Variants in CLASP2 observed in about 807,000 individuals in gnomAD.
CLASP2 encodes CLIP-associating protein 2.
A neutral mutation model predicts 194.4 loss-of-function variants in CLASP2; 47 were observed. The observed-to-expected ratio is 0.24, with a 90% CI of 0.19 to 0.31. CLASP2 has a LOEUF of 0.31. Ranked by LOEUF, CLASP2 falls within the 10% of genes least tolerant of loss-of-function variation. The pLI, the probability that CLASP2 is intolerant of heterozygous loss-of-function variation, is 1.00. For synonymous variants in CLASP2, 619 were observed against 633.5 expected (o/e 0.98, Z 0.34); for missense variants, 1,445 against 1,823.6 (o/e 0.79, Z 3.78).
At chr3:33,668,736 T>G (rs779521080) in intron 6 of CLASP2, among the ~76,000 whole-genome samples, 17 of 152,156 alleles carry the variant, frequency 1.1e-4, no homozygotes, top group Non-Finnish European at 2.4e-4. Context: ...CTCCACTGCC[T>G]ACTACCTGCT....
At chr3:33,628,399 A>G (rs547196859) in intron 9 of CLASP2, among the ~76,000 whole-genome samples, 102 of 152,260 alleles carry the variant, frequency 6.7e-4, no homozygotes, top group Non-Finnish European at 1.1e-3. Flanking sequence ...CCTTCCCCCA[A>G]TAAGGAAGAA....
intron 26 of CLASP2, among the ~76,000 whole-genome samples, chr3:33,567,075 T>C (rs983699311): frequency 1.5e-4 from 23 of 152,166 alleles, no homozygotes; most frequent in East Asian, 7.7e-4. Context: ...AATAGACACA[T>C]ACTCCCACTT....
chr3:33,663,499 C>T lies in CLASP2; in HGVS notation c.661G>A (p.Ala221Thr), dbSNP rs1477724847. Residue 221 changes from alanine to threonine, a missense_variant, in exon 7 of 39, where the codon GCC (alanine) becomes ACC (threonine). Coordinates refer to ENST00000682230, the MANE Select transcript of CLASP2 (RefSeq NM_001365631.1). ...GAACTTTGCACTTCATCAAATTTGG[C>T]AAATATCATTTCTAATCTGGGAATA... ...IPPARLEMIF[A>T]KFDEVQSSGG... 6.2e-7 allele frequency: 1 copy of T among 1,611,328 alleles called. No individual in the cohort carries two copies. The highest frequency in any genetic ancestry group is 2.2e-5 in the East Asian group (1 of 44,752).
intron 7 of CLASP2, among the ~76,000 whole-genome samples, chr3:33,655,613 C>T (rs545383438): frequency 8.5e-5 from 13 of 152,276 alleles, no homozygotes; most frequent in African/African-American, 2.6e-4. Flanking sequence ...CAAATGGTTG[C>T]TTTCTTTCAT....
At chr3:33,668,525 G>C (rs1048742274) in intron 6 of CLASP2, among the ~76,000 whole-genome samples, 2 of 152,148 alleles carry the variant, frequency 1.3e-5, no homozygotes, top group African/African-American at 4.8e-5. Context: ...AGTGGAAAAA[G>C]GGAAATAGTG....
chr3:33,681,889 G>A (rs2089913493), intron 6 of CLASP2, among the ~76,000 whole-genome samples: 1 of 152,172 alleles, frequency 6.6e-6, no homozygotes, highest in Middle Eastern at 3.2e-3. Context: ...CTGGGGCAGG[G>A]AAGAGTGAAT....
Position 33,551,314 on chromosome 3 carries a change from G to A in CLASP2, c.3091C>T (p.Arg1031Cys), listed in dbSNP as rs764290497. ...PGDFINSSET[R>C]LAVSRVITWT... ...GTGATGACCCGAGACACTGCTAGGC[G>A]AGTTTCACTGGAATTTATAAAATCT... The change falls in exon 30 of 39, where the codon CGC (arginine) becomes TGC (cysteine). Residue 1031 changes from arginine to cysteine, a missense_variant. Transcript: ENST00000682230. The A allele has an allele frequency of 2.5e-6, 4 of 1,613,606 alleles. No homozygotes were observed. Among genetic ancestry groups the A allele is most frequent in the African/African-American group, 2.7e-5 (2 of 74,888 alleles).
intron 6 of CLASP2, among the ~76,000 whole-genome samples, chr3:33,671,331 TA>T (rs35451544): frequency 6.6e-6 from 1 of 151,678 alleles, no homozygotes; most frequent in African/African-American, 2.4e-5. Context: ...GTCCAACTAT[TA>T]AAAAAAAATT....
intron 2 of CLASP2, among the ~76,000 whole-genome samples, chr3:33,693,863 T>A (rs1312968538): frequency 1.3e-5 from 2 of 151,858 alleles, no homozygotes; most frequent in East Asian, 1.9e-4. Flanking sequence ...GGAAAAACTA[T>A]ACATACATAA....
intron 5 of CLASP2, among the ~76,000 whole-genome samples, chr3:33,685,002 A>AAAATAAATAAAT (rs371649189): frequency 6.8e-6 from 1 of 146,484 alleles, no homozygotes; most frequent in Non-Finnish European, 1.5e-5. Context: ...ACTCCATCTC[A>AAAATAAATAAAT]AAATAAATAA....
chr3:33,570,866 T>TAA, intron 25 of CLASP2, 76 bp from the exon 26 acceptor site: 1 of 1,194,134 alleles, frequency 8.4e-7, no homozygotes, highest in Non-Finnish European at 1.1e-6. Context: ...TACATATAAT[T>TAA]TTCTTTAAAA....
chr3:33,710,602 G>C (rs74922904), intron 1 of CLASP2, among the ~76,000 whole-genome samples: 1 of 151,744 alleles, frequency 6.6e-6, no homozygotes, highest in Non-Finnish European at 1.5e-5. Context: ...AAATACAAAA[G>C]AACAAATAGC....
At chr3:33,682,402 AAC>A (rs1196891688) in intron 6 of CLASP2, among the ~76,000 whole-genome samples, 1 of 152,216 alleles carries the variant, frequency 6.6e-6, no homozygotes, top group Non-Finnish European at 1.5e-5. Context: ...TCTAGGGTGT[AAC>A]ACAAAAAACT....
rs1367066185 is a variant in CLASP2, at chr3:33,544,800, G to A, written c.3195C>T (p.Thr1065=). The change falls in exon 31 of 39, where the codon ACC becomes ACT. Residue 1065 remains threonine (T), a synonymous_variant. Coordinates refer to ENST00000682230, the MANE Select transcript of CLASP2 (RefSeq NM_001365631.1). The part of the protein sequence containing the change: ...SVLISLFELN[T]PEFTMLLGAL... ...CTCCTAATAACATTGTAAACTCTGG[G>A]GTATTGAGTTCAAATAATGAAATCA... The A allele has an allele frequency of 1.9e-6, 3 of 1,612,428 alleles. No individual in the cohort carries two copies. The highest frequency in any genetic ancestry group is 2.5e-6 in the Non-Finnish European group (3 of 1,179,134).
At chr3:33,515,906 C>A (rs2051189094) in intron 36 of CLASP2, 117 bp downstream of exon 36, 2 of 1,023,552 alleles carry the variant, frequency 2.0e-6, no homozygotes, top group South Asian at 4.1e-5. Flanking sequence ...CAGGTATTAC[C>A]CTGAATGTCA....
intron 34 of CLASP2, among the ~76,000 whole-genome samples, chr3:33,523,180 G>C (rs1442463882): frequency 6.6e-6 from 1 of 152,180 alleles, no homozygotes; most frequent in East Asian, 1.9e-4. Flanking sequence ...GGATATGTGA[G>C]ACATCATCAA....
intron 6 of CLASP2, among the ~76,000 whole-genome samples, chr3:33,668,711 C>A (rs992572509): frequency 3.3e-5 from 5 of 152,120 alleles, no homozygotes; most frequent in Non-Finnish European, 7.4e-5. Context: ...AAGCAAAGCT[C>A]ACGTACCCAG....
intron 1 of CLASP2, among the ~76,000 whole-genome samples, chr3:33,701,025 T>C (rs989901789): frequency 1.3e-5 from 2 of 152,146 alleles, no homozygotes; most frequent in African/African-American, 4.8e-5. Flanking sequence ...ATGAAAGTGA[T>C]AGAAAAAGAG....
At chr3:33,673,404 T>C (rs1286573076) in intron 6 of CLASP2, among the ~76,000 whole-genome samples, 4 of 152,148 alleles carry the variant, frequency 2.6e-5, no homozygotes, top group Non-Finnish European at 4.4e-5. Flanking sequence ...AGAGATTTTG[T>C]CACCACCAGG....
Sources: allele counts gnomAD v4.1 joint callset (sites outside exome capture counted in the v4.1 genomes callset), GRCh38; gene constraint gnomAD v4.1.1; transcripts MANE v1.5; gene names NCBI Gene and HGNC (gene_info 2026-07-23, HGNC 2026-07-21).